ZDHHC14: variants seen among roughly 807,000 people sequenced by gnomAD.
ZDHHC14 encodes the protein palmitoyltransferase ZDHHC14.
Under a neutral mutation model 47.7 loss-of-function variants are expected in ZDHHC14, and 16 were observed. The ratio of observed to expected loss-of-function variants is 0.34; its 90% CI spans 0.23 to 0.51. The LOEUF (loss-of-function observed/expected upper bound fraction) is 0.51, where lower values mean the gene tolerates loss of function less well. ZDHHC14 is among the 20% of genes least tolerant of loss of function. ZDHHC14 has a pLI of 0.97. For synonymous variants in ZDHHC14, 293 were observed against 278.9 expected, an observed-to-expected ratio of 1.05 and a Z score of -0.50; for missense variants, 515 against 662.5, an observed-to-expected ratio of 0.78 and a Z score of 2.44.
chr6:157,567,803 C>G (rs4708857), intron 2 of ZDHHC14, among the ~76,000 whole-genome samples: 1 of 147,244 alleles, frequency 6.8e-6, no homozygotes, highest in South Asian at 2.2e-4. Flanking sequence ...AGAGTGAGAC[C>G]CCATCTCAAA....
chr6:157,443,951 A>C (rs1778609788), intron 1 of ZDHHC14, among the ~76,000 whole-genome samples: 1 of 152,208 alleles, frequency 6.6e-6, no homozygotes, highest in African/African-American at 2.4e-5. Context: ...AGCACTAGTA[A>C]ATGAATATGG....
intron 2 of ZDHHC14, among the ~76,000 whole-genome samples, chr6:157,564,869 T>C (rs1782841403): frequency 6.6e-6 from 1 of 152,168 alleles, no homozygotes; most frequent in Non-Finnish European, 1.5e-5. Flanking sequence ...CCAAGGTCAA[T>C]ACGGGGCAGG....
At chr6:157,392,779 A>G (rs1367290362) in intron 1 of ZDHHC14, among the ~76,000 whole-genome samples, 1 of 152,142 alleles carries the variant, frequency 6.6e-6, no homozygotes, top group Admixed American at 6.6e-5. Context: ...TGGAGCTAAC[A>G]TACCATTACA....
At chr6:157,383,598 T>C (rs1165792818) in intron 1 of ZDHHC14, among the ~76,000 whole-genome samples, 1 of 152,238 alleles carries the variant, frequency 6.6e-6, no homozygotes. Flanking sequence ...GTGCGCTGAT[T>C]AGCAGTTTTA....
intron 3 of ZDHHC14, among the ~76,000 whole-genome samples, chr6:157,611,249 C>T (rs1784739553): frequency 6.6e-6 from 1 of 152,200 alleles, no homozygotes. Context: ...ATCTGCCCAC[C>T]TCGGCCTCCC....
At chr6:157,484,432 G>A (rs1293827579) in intron 1 of ZDHHC14, among the ~76,000 whole-genome samples, 10 of 140,156 alleles carry the variant, frequency 7.1e-5, no homozygotes, top group East Asian at 6.1e-4. Flanking sequence ...ATATATATAC[G>A]TATATATACA....
At chr6:157,478,388 T>C (rs925734253) in intron 1 of ZDHHC14, among the ~76,000 whole-genome samples, 1 of 152,248 alleles carries the variant, frequency 6.6e-6, no homozygotes, top group Non-Finnish European at 1.5e-5. Context: ...AATCTCACAA[T>C]CTTACTCTCT....
intron 2 of ZDHHC14, among the ~76,000 whole-genome samples, chr6:157,564,024 G>A (rs559638846): frequency 6.6e-6 from 1 of 152,366 alleles, no homozygotes; most frequent in South Asian, 2.1e-4. Flanking sequence ...CTCTGAGGAT[G>A]TCAGGGCCCT....
chr6:157,584,013 C>A (rs113556693), intron 2 of ZDHHC14, among the ~76,000 whole-genome samples: 7,030 of 152,138 alleles, frequency 0.046, 225 homozygotes, highest in Middle Eastern at 0.068. Flanking sequence ...AGCCTGGCCT[C>A]TTCTCCTTAG....
At chr6:157,612,599 G>C (rs1011781252) in intron 3 of ZDHHC14, among the ~76,000 whole-genome samples, 1 of 152,286 alleles carries the variant, frequency 6.6e-6, no homozygotes. Context: ...GGTTGTCATG[G>C]TATACACTGG....
intron 1 of ZDHHC14, among the ~76,000 whole-genome samples, chr6:157,423,896 GT>G (rs1404517671): frequency 1.3e-5 from 2 of 152,138 alleles, no homozygotes; most frequent in African/African-American, 4.8e-5. Context: ...CAGGCGATTC[GT>G]GTGCAATATG....
At chr6:157,482,105 A>C (rs905788311) in intron 1 of ZDHHC14, among the ~76,000 whole-genome samples, 1 of 152,190 alleles carries the variant, frequency 6.6e-6, no homozygotes, top group Non-Finnish European at 1.5e-5. Context: ...CTTGCAAAAA[A>C]AGTGCACGAT....
At chr6:157,547,869 T>A (rs1010612656) in intron 2 of ZDHHC14, among the ~76,000 whole-genome samples, 1 of 151,046 alleles carries the variant, frequency 6.6e-6, no homozygotes, top group Non-Finnish European at 1.5e-5. Flanking sequence ...ATATGCAATT[T>A]TGGGGGTCTT....
At chr6:157,451,372 A>C (rs1184918888) in intron 1 of ZDHHC14, among the ~76,000 whole-genome samples, 2 of 152,220 alleles carry the variant, frequency 1.3e-5, no homozygotes, top group Non-Finnish European at 2.9e-5. Context: ...TTAACATTAA[A>C]AGCAGCGTCA....
intron 5 of ZDHHC14, among the ~76,000 whole-genome samples, chr6:157,642,053 GA>G (rs1777279374): frequency 1.3e-5 from 2 of 151,114 alleles, no homozygotes; most frequent in South Asian, 2.1e-4. Flanking sequence ...TAGATAGATA[GA>G]TAGATAGATA....
At chr6:157,426,820 T>G (rs997908596) in intron 1 of ZDHHC14, among the ~76,000 whole-genome samples, 1 of 152,202 alleles carries the variant, frequency 6.6e-6, no homozygotes, top group African/African-American at 2.4e-5. Context: ...GGAAGCCGTC[T>G]CACCTTTGGC....
chr6:157,436,643 C>A (rs141883010), intron 1 of ZDHHC14, among the ~76,000 whole-genome samples: 2,493 of 152,120 alleles, frequency 0.016, 70 homozygotes, highest in African/African-American at 0.057. Flanking sequence ...GGCGTCAGAG[C>A]CCTCAGAGAG....
chr6:157,436,413 C>T (rs1394018165), intron 1 of ZDHHC14, among the ~76,000 whole-genome samples: 1 of 152,180 alleles, frequency 6.6e-6, no homozygotes, highest in Non-Finnish European at 1.5e-5. Context: ...GAGAGCATGA[C>T]TTTCCTGTAG....
chr6:157,484,318 C>T (rs200909235), intron 1 of ZDHHC14, among the ~76,000 whole-genome samples: 55 of 133,582 alleles, frequency 4.1e-4, no homozygotes, highest in African/African-American at 1.1e-3. Flanking sequence ...TATATATACA[C>T]ATATATATAC....
Sources: gnomAD v4.1 joint callset for allele counts (sites outside exome capture counted in the v4.1 genomes callset) on GRCh38, gnomAD v4.1.1 for gene constraint, MANE v1.5 for transcripts, NCBI Gene and HGNC (gene_info 2026-07-23, HGNC 2026-07-21) for gene names.